The following EYS variants were observed in gnomAD, a reference collection of about 807,000 sequenced individuals.
The protein encoded by EYS is protein eyes shut homolog.
EYS carries 250 observed loss-of-function variants against 282.1 expected under a neutral mutation model. The ratio of observed to expected loss-of-function variants is 0.89; its 90% confidence interval spans 0.80 to 0.98. EYS has a LOEUF of 0.98. EYS is among the 50% of genes least tolerant of loss of function. The probability of loss-of-function intolerance (pLI) is 0.00; values close to 1 mark genes in which losing one functional copy is unlikely to be tolerated. For synonymous variants in EYS, 1,355 were observed against 1,282.9 expected (o/e 1.06, Z -1.20); for missense variants, 4,016 against 3,709.0 (o/e 1.08, Z -2.15).
At chr6:65,164,520 A>G (rs891291292) in intron 12 of EYS, among the ~76,000 whole-genome samples, 2 of 151,068 alleles carry the variant, frequency 1.3e-5, no homozygotes, top group Admixed American at 6.6e-5. Flanking sequence ...CTTCTGATTT[A>G]TGAAATATTG....
At chr6:65,041,944 A>G (rs1199629288) in intron 13 of EYS, among the ~76,000 whole-genome samples, 1 of 151,658 alleles carries the variant, frequency 6.6e-6, no homozygotes. Flanking sequence ...TTATGGTAGC[A>G]TCTCACTTCT....
chr6:63,933,634 A>G (rs940093839), intron 35 of EYS, among the ~76,000 whole-genome samples: 10 of 152,002 alleles, frequency 6.6e-5, no homozygotes, highest in Admixed American at 1.3e-4. Context: ...GAAAGTCCCA[A>G]CCCTCTAATC....
chr6:64,715,801 T>C (rs1771372345), intron 22 of EYS, among the ~76,000 whole-genome samples: 1 of 152,206 alleles, frequency 6.6e-6, no homozygotes, highest in Non-Finnish European at 1.5e-5. Context: ...ACTGGAACAG[T>C]TATCATTTGC....
chr6:64,697,698 C>T (rs1770630990), intron 22 of EYS, among the ~76,000 whole-genome samples: 1 of 152,124 alleles, frequency 6.6e-6, no homozygotes, highest in Non-Finnish European at 1.5e-5. Flanking sequence ...AATCCCAGCA[C>T]TTTGGGTGGC....
intron 11 of EYS, among the ~76,000 whole-genome samples, chr6:65,300,325 T>C (rs1273386760): frequency 6.6e-6 from 1 of 152,208 alleles, no homozygotes; most frequent in Non-Finnish European, 1.5e-5. Flanking sequence ...TTCCTCATCT[T>C]TTCCTTACTT....
At chr6:64,313,147 C>T (rs1435141108) in intron 29 of EYS, among the ~76,000 whole-genome samples, 5 of 152,170 alleles carry the variant, frequency 3.3e-5, no homozygotes, top group Admixed American at 2.0e-4. Flanking sequence ...ACAGGTTAAA[C>T]GAATTGCTAA....
At chr6:64,109,222 T>C (rs1562205606) in intron 31 of EYS, among the ~76,000 whole-genome samples, 1 of 152,266 alleles carries the variant, frequency 6.6e-6, no homozygotes, top group Non-Finnish European at 1.5e-5. Context: ...TTATTACATC[T>C]TTCCTCCCAA....
intron 21 of EYS, among the ~76,000 whole-genome samples, chr6:64,818,319 T>G (rs2150019645): frequency 6.6e-6 from 1 of 152,276 alleles, no homozygotes; most frequent in Admixed American, 6.5e-5. Flanking sequence ...TCTCCAGCAT[T>G]AATTCTAATT....
intron 12 of EYS, among the ~76,000 whole-genome samples, chr6:65,115,954 G>A (rs1413918810): frequency 1.1e-3 from 135 of 126,312 alleles, no homozygotes; most frequent in African/African-American, 4.5e-3. Flanking sequence ...CTGTCTGTCT[G>A]TCTGTCTATC....
chr6:64,037,174 T>C (rs1770163061), intron 33 of EYS, among the ~76,000 whole-genome samples: 1 of 152,190 alleles, frequency 6.6e-6, no homozygotes, highest in Admixed American at 6.5e-5. Context: ...TTCCCAAATC[T>C]AAAAAGACTA....
intron 30 of EYS, among the ~76,000 whole-genome samples, chr6:64,287,587 T>C (rs1343864886): frequency 2.6e-5 from 4 of 151,968 alleles, no homozygotes; most frequent in Non-Finnish European, 5.9e-5. Context: ...ATGTCAACAA[T>C]AGAGCAACAT....
chr6:64,623,167 T>C (rs1247135990), intron 23 of EYS, among the ~76,000 whole-genome samples: 6 of 152,174 alleles, frequency 3.9e-5, no homozygotes, highest in Non-Finnish European at 5.9e-5. Flanking sequence ...ACATTTAACA[T>C]GAGCTCTCAC....
At chr6:65,276,870 C>CTTAT in intron 12 of EYS, among the ~76,000 whole-genome samples, 1 of 152,068 alleles carries the variant, frequency 6.6e-6, no homozygotes, top group Non-Finnish European at 1.5e-5. Context: ...GCATTTCCTT[C>CTTAT]TTATTTTGGT....
chr6:65,357,682 CAGGAGTCTGCAA>C (rs1764542936), intron 8 of EYS, among the ~76,000 whole-genome samples: 2 of 151,598 alleles, frequency 1.3e-5, no homozygotes, highest in South Asian at 4.1e-4. Context: ...TTATATAGAC[CAGGAGTCTGCAA>C]AGTATTCTCT....
chr6:63,886,829 G>C lies in EYS; in HGVS notation c.7056-22471C>G, dbSNP rs1447282118. On this transcript the variant is annotated intron_variant, in intron 35 of 42. Transcript: ENST00000503581. ...CTGACATTTTTCAAAAGTGCAAAAA[G>C]TACAATAGTGAGAGTTTCAGAGTGT... Among the ~76,000 whole-genome samples, 4 of 152,262 alleles carry C rather than the reference G, an allele frequency of 2.6e-5. No individual in the cohort carries two copies. The South Asian group carries it at 6.2e-4, about 24-fold the overall frequency.
intron 12 of EYS, among the ~76,000 whole-genome samples, chr6:65,195,640 A>G (rs1453542863): frequency 1.3e-5 from 2 of 152,000 alleles, no homozygotes; most frequent in Non-Finnish European, 2.9e-5. Flanking sequence ...AGCTAAGTAT[A>G]TTGCTATCTT....
At chr6:64,444,951 A>C (rs1775070869) in intron 26 of EYS, among the ~76,000 whole-genome samples, 1 of 152,202 alleles carries the variant, frequency 6.6e-6, no homozygotes, top group South Asian at 2.1e-4. Flanking sequence ...GAAGCTGAGG[A>C]GATGTTGGTG....
intron 19 of EYS, among the ~76,000 whole-genome samples, chr6:64,851,809 G>A (rs1765894267): frequency 6.6e-6 from 1 of 151,964 alleles, no homozygotes; most frequent in Non-Finnish European, 1.5e-5. Flanking sequence ...GGTGGAGGGT[G>A]GGAGAAGGGA....
At chr6:63,976,223 T>C (rs1259700301) in intron 35 of EYS, among the ~76,000 whole-genome samples, 1 of 152,046 alleles carries the variant, frequency 6.6e-6, no homozygotes, top group Non-Finnish European at 1.5e-5. Flanking sequence ...TACTACCGTA[T>C]ATTACCGTAG....
Sources: gnomAD v4.1 joint callset for allele counts (sites outside exome capture counted in the v4.1 genomes callset) on GRCh38, gnomAD v4.1.1 for gene constraint, MANE v1.5 for transcripts, NCBI Gene and HGNC (gene_info 2026-07-23, HGNC 2026-07-21) for gene names.